The following DOCK5 variants were observed in gnomAD, a reference collection of about 807,000 sequenced individuals.
DOCK5 encodes the protein dedicator of cytokinesis 5.
A neutral mutation model predicts 251.8 loss-of-function variants in DOCK5; 142 were observed. That is an observed-to-expected ratio of 0.56 (90% CI 0.49 to 0.65). DOCK5 has a LOEUF of 0.65. Ranked by LOEUF, DOCK5 falls within the 30% of genes least tolerant of loss-of-function variation. DOCK5 has a pLI of 0.00. For missense variants in DOCK5, 2,111 were observed against 2,312.3 expected (o/e 0.91, Z 1.79); for synonymous variants, 842 against 835.5 (o/e 1.01, Z -0.13).
intron 31 of DOCK5, among the ~76,000 whole-genome samples, chr8:25,367,896 C>T (rs751896635): frequency 1.3e-5 from 2 of 152,014 alleles, no homozygotes; most frequent in African/African-American, 4.8e-5. Flanking sequence ...CAGTGTTTGC[C>T]GTGTTTTGTT....
chr8:25,223,875 G>A (rs559698939), intron 1 of DOCK5, among the ~76,000 whole-genome samples: 1 of 152,262 alleles, frequency 6.6e-6, no homozygotes, highest in African/African-American at 2.4e-5. Flanking sequence ...TTCATGACCT[G>A]TCAAAACTGA....
chr8:25,297,853 C>G lies in DOCK5; in HGVS notation c.607-1091C>G, dbSNP rs557766463. On this transcript the variant is annotated intron_variant, in intron 7 of 51. Transcript: ENST00000276440. Reference sequence around the variant, plus strand: ...TTTGAGGCCAGGAGTTCAAGACCAACTGGGCAAATAGTGACATAGTGAGAC... The same window carrying G: ...TTTGAGGCCAGGAGTTCAAGACCAAGTGGGCAAATAGTGACATAGTGAGAC... Among the ~76,000 whole-genome samples the G allele has an allele frequency of 1.8e-4, 27 of 152,018 alleles. No individual in the cohort carries two copies. The South Asian group carries it at 5.4e-3, about 30-fold the overall frequency.
chr8:25,405,776 A>T (rs1255103088), intron 48 of DOCK5, among the ~76,000 whole-genome samples: 1 of 152,042 alleles, frequency 6.6e-6, no homozygotes, highest in Non-Finnish European at 1.5e-5. Context: ...ATATGTTCAA[A>T]TTTAAAATAT....
chr8:25,196,425 A>G (rs1192839558), intron 1 of DOCK5, among the ~76,000 whole-genome samples: 6 of 152,258 alleles, frequency 3.9e-5, no homozygotes, highest in African/African-American at 1.4e-4. Flanking sequence ...TTCCTTACAA[A>G]AAGAGCATAT....
rs1444850086 is a variant in DOCK5 at position 25,375,039 on chromosome 8, T to C, written c.3816+385T>C. 5 of 1,041,582 alleles carry C rather than the reference T, an allele frequency of 4.8e-6. No individual in the cohort carries two copies. In the East Asian group the frequency reaches 2.2e-4, roughly 46 times the overall value. 64.5% of individuals were successfully genotyped at this position (1,041,582 alleles called of 1,614,324 possible). A position where few individuals can be genotyped will look rare whatever the true frequency, so the allele number is the denominator to read the frequency against. On this transcript the variant is annotated intron_variant, in intron 37 of 51. Coordinates refer to ENST00000276440, the MANE Select transcript of DOCK5 (RefSeq NM_024940.8). ...TATTTTTATTCTCTCCCTAAATAAA[T>C]GTATGTTGTGGTTTAGATATAAATA...
intron 1 of DOCK5, among the ~76,000 whole-genome samples, chr8:25,196,438 A>G (rs1185503534): frequency 2.0e-5 from 3 of 152,250 alleles, no homozygotes; most frequent in African/African-American, 7.2e-5. Context: ...GAGCATATGT[A>G]CTGTACACTC....
chr8:25,259,108 A>G (rs1398378272), intron 2 of DOCK5, among the ~76,000 whole-genome samples: 1 of 152,196 alleles, frequency 6.6e-6, no homozygotes, highest in Non-Finnish European at 1.5e-5. Context: ...TGACAGAGCG[A>G]GACTCTGTCT....
At chr8:25,258,923 A>AGCCTG (rs1586272498) in intron 2 of DOCK5, among the ~76,000 whole-genome samples, 1 of 152,318 alleles carries the variant, frequency 6.6e-6, no homozygotes, top group East Asian at 1.9e-4. Flanking sequence ...GTTTAAGACC[A>AGCCTG]GCCTGGCCAA....
chr8:25,352,286 AGG>A (rs1327702193), intron 27 of DOCK5, among the ~76,000 whole-genome samples: 1 of 148,330 alleles, frequency 6.7e-6, no homozygotes, highest in African/African-American at 2.5e-5. Context: ...GAAGGAAGGA[AGG>A]AAAAAAGGAG....
chr8:25,290,372 A>G (rs911333163), intron 5 of DOCK5, among the ~76,000 whole-genome samples: 1 of 152,224 alleles, frequency 6.6e-6, no homozygotes, highest in African/African-American at 2.4e-5. Flanking sequence ...ATGAAGTTGC[A>G]TTGGGCTGCA....
chr8:25,242,047 A>C (rs1342055860), intron 1 of DOCK5, among the ~76,000 whole-genome samples: 2 of 152,118 alleles, frequency 1.3e-5, no homozygotes, highest in African/African-American at 4.8e-5. Flanking sequence ...AGAAATACCT[A>C]ATGTAGATGA....
At position 25,310,389 on chromosome 8, in the gene DOCK5, T is replaced by C. The variant is rs772758247; in HGVS notation, c.1193-18T>C. ...CATCATACAAAGAACTAAACGTTTA[T>C]CTTTTATTTCTTTTAAGGCCTTTGG... On this transcript the variant is annotated intron_variant, in intron 12 of 51. Transcript: ENST00000276440. The C allele has an allele frequency of 3.1e-6, 5 of 1,593,364 alleles. No homozygotes were observed. The South Asian group carries it at 5.7e-5, about 18-fold the overall frequency.
rs114028799 is a variant in DOCK5 at position 25,207,792 on chromosome 8, C to T, written c.43+22841C>T. Among the ~76,000 whole-genome samples, 467 of 152,270 alleles carry T rather than the reference C, an allele frequency of 3.1e-3. 3 individuals carry two copies. Among genetic ancestry groups the T allele is most frequent in the African/African-American group, 0.011 (445 of 41,544 alleles). Reference sequence around the variant, plus strand: ...GCCTGCTGACACAACATGAATACTGCAGCCCATGGATCAAGGGATAATTTT... The same window carrying T: ...GCCTGCTGACACAACATGAATACTGTAGCCCATGGATCAAGGGATAATTTT... On this transcript the variant is annotated intron_variant, in intron 1 of 51. Transcript: ENST00000276440.
chr8:25,242,286 A>G (rs1378129548), intron 1 of DOCK5, among the ~76,000 whole-genome samples: 1 of 152,168 alleles, frequency 6.6e-6, no homozygotes, highest in African/African-American at 2.4e-5. Context: ...GAACATTCAC[A>G]TAAGGTTCTT....
In DOCK5 at chr8:25,319,584, A is replaced by G. The variant is rs772056828; in HGVS notation, c.1450A>G (p.Ile484Val). The G allele has an allele frequency of 7.0e-6, 11 of 1,576,368 alleles. No homozygotes were observed. The Admixed American group carries it at 7.4e-5, about 11-fold the overall frequency. Reference sequence around the variant, plus strand: ...TTTTTCCTTCCATCTGAAGAAAGCAATTCACCCTGGTGCTGGATATGAAGG... The same window carrying G: ...TTTTTCCTTCCATCTGAAGAAAGCAGTTCACCCTGGTGCTGGATATGAAGG... ...DEEGKLLEKA[I>V]HPGAGYEGIS... The change falls in exon 15 of 52, where the codon ATT becomes GTT. Residue 484 changes from isoleucine to valine, a missense_variant. By Grantham distance (29) the Ile-to-Val change is conservative. Coordinates refer to ENST00000276440, the MANE Select transcript of DOCK5 (RefSeq NM_024940.8).
At chr8:25,271,653 G>A (rs971492183) in intron 3 of DOCK5, among the ~76,000 whole-genome samples, 1 of 152,212 alleles carries the variant, frequency 6.6e-6, no homozygotes, top group African/African-American at 2.4e-5. Context: ...GAAGCCAAGC[G>A]CTTTTCCGAA....
intron 2 of DOCK5, among the ~76,000 whole-genome samples, chr8:25,265,307 T>C (rs1803712080): frequency 6.6e-6 from 1 of 151,874 alleles, no homozygotes; most frequent in African/African-American, 2.4e-5. Flanking sequence ...CCAGGCCTCC[T>C]CTAACTACCT....
At chr8:25,347,917 G>T (rs1330774945) in intron 26 of DOCK5, among the ~76,000 whole-genome samples, 2 of 152,142 alleles carry the variant, frequency 1.3e-5, no homozygotes, top group African/African-American at 4.8e-5. Context: ...CTTTGGAAAT[G>T]ACTTGAATGT....
At chr8:25,287,419 C>T (rs77059037) in intron 5 of DOCK5, among the ~76,000 whole-genome samples, 11 of 151,172 alleles carry the variant, frequency 7.3e-5, no homozygotes, top group Non-Finnish European at 1.6e-4. Context: ...GAGCGAGACT[C>T]CATTAAAAAA....
Sources: allele counts gnomAD v4.1 joint callset (sites outside exome capture counted in the v4.1 genomes callset), GRCh38; gene constraint gnomAD v4.1.1; transcripts MANE v1.5; gene names NCBI Gene and HGNC (gene_info 2026-07-23, HGNC 2026-07-21).